Variants in SHBG observed in about 807,000 individuals in gnomAD.
SHBG encodes the protein sex hormone-binding globulin.
A neutral mutation model predicts 41.9 loss-of-function variants in SHBG; 37 were observed. The ratio of observed to expected loss-of-function variants is 0.88; its 90% CI spans 0.68 to 1.16. The LOEUF is 1.16. Among genes scored for constraint, SHBG ranks in the 50% most tolerant of loss-of-function variants. The probability of loss-of-function intolerance (pLI) is 0.00; values close to 1 mark genes in which losing one functional copy is unlikely to be tolerated. For synonymous variants in SHBG, 217 were observed against 205.8 expected (o/e 1.05, Z -0.47); for missense variants, 466 against 499.9 (o/e 0.93, Z 0.65).
chr17:7,616,451 CAAAAAAA>C (rs71159512), intron 1 of SHBG, among the ~76,000 whole-genome samples: 35 of 101,520 alleles, frequency 3.4e-4, no homozygotes, highest in Admixed American at 2.4e-3. Context: ...ACTAAAAATA[CAAAAAAA>C]AAAAAAAAAA....
chr17:7,631,694 T>A lies in SHBG; in HGVS notation c.661T>A (p.Ser221Thr). The A allele has an allele frequency of 6.2e-7, 1 of 1,614,068 alleles. No homozygotes were observed. The highest frequency in any genetic ancestry group is 1.1e-5 in the South Asian group (1 of 91,084). ...TAGCCTCAGAAGCTGTGATGTAGAA[T>A]CAAATCCCGGGATATTTCTCCCTCC... is the stretch of plus-strand genomic sequence containing the variant. Reference protein sequence around the residue: ...PTSLRSCDVESNPGIFLPPGT... With the variant: ...PTSLRSCDVETNPGIFLPPGT... The change falls in exon 5 of 8, where the codon TCA (serine) becomes ACA (threonine). Residue 221 changes from serine to threonine, a missense_variant. Physicochemically the swap from Ser to Thr is moderately conservative, Grantham distance 58 (BLOSUM62 1). Transcript: ENST00000380450.
At position 7,630,245 on chromosome 17, in the gene SHBG, C is replaced by G. The variant is rs771580906; in HGVS notation, c.73C>G (p.Arg25Gly). The G allele has an allele frequency of 6.2e-7, 1 of 1,610,104 alleles. No individual in the cohort carries two copies. Residue 25 changes from arginine (R) to glycine (G), a missense_variant, in exon 1 of 8, where the codon CGC becomes GGC. By Grantham distance (125) the Arg-to-Gly change is moderately radical. Coordinates refer to ENST00000380450, the MANE Select transcript of SHBG (RefSeq NM_001040.5). This position sits in a 1 kb window ranked among gnomAD's most constrained non-coding sequence, Gnocchi z 4.6. Reference sequence around the variant, plus strand: ...GCTGTTGCTACTACTGCGTCACACCCGCCAGGGATGGGCCCTGAGACCTGT... The same window carrying G: ...GCTGTTGCTACTACTGCGTCACACCGGCCAGGGATGGGCCCTGAGACCTGT... ...LLLLLLLRHT[R>G]QGWALRPVLP...
chr17:7,614,126 A>G (rs1381362452), intron 1 of SHBG: 3 of 572,360 alleles, frequency 5.2e-6, no homozygotes, highest in Non-Finnish European at 9.9e-6. Flanking sequence ...GTCTTCCACC[A>G]GACAACGGAC....
In SHBG at chr17:7,630,269, G is replaced by C. The variant is rs2072357005; in HGVS notation, c.97G>C (p.Val33Leu). 1 of 1,608,310 alleles carries C rather than the reference G, an allele frequency of 6.2e-7. No homozygotes were observed. The highest frequency in any genetic ancestry group is 8.5e-7 in the Non-Finnish European group (1 of 1,177,254). The change falls in exon 1 of 8, where the codon GTT (valine) becomes CTT (leucine). Residue 33 changes from valine to leucine, a missense_variant. Transcript: ENST00000380450. The surrounding 1 kb of genome is among the most constrained non-coding windows in gnomAD (Gnocchi z 4.6). ...HTRQGWALRP[V>L]LPTQSAHDPP... The stretch of plus-strand genomic sequence containing the variant: ...CCGCCAGGGATGGGCCCTGAGACCT[G>C]TTCTCCCCACCCAGGTGCAGGAGCG...
upstream of SHBG, among the ~76,000 whole-genome samples, chr17:7,629,933 C>T (rs2072343021): frequency 6.6e-6 from 1 of 152,108 alleles, no homozygotes; most frequent in East Asian, 1.9e-4. Flanking sequence ...CAGAAACTTT[C>T]TCGGCAGTGG....
At chr17:7,617,012 T>C (rs1175242406) in intron 1 of SHBG, among the ~76,000 whole-genome samples, 2 of 152,196 alleles carry the variant, frequency 1.3e-5, no homozygotes, top group African/African-American at 4.8e-5. Flanking sequence ...ATAAGGGTAG[T>C]AGCAGGAAAA....
At position 7,631,580 on chromosome 17, in the gene SHBG, A is replaced by G. The variant is rs1417882367; in HGVS notation, c.556-9A>G. The G allele has an allele frequency of 1.2e-6, 2 of 1,613,864 alleles. No individual in the cohort carries two copies. Among genetic ancestry groups the G allele is most frequent in the East Asian group, 2.2e-5 (1 of 44,868 alleles). On this transcript the variant is annotated splice_polypyrimidine_tract_variant and intron_variant, in intron 4 of 7. Transcript: ENST00000380450. ...TACATCCCCGTATCTTATCTCTGTC[A>G]CACTCCAGCTGGTTCCTGCCCTGGA...
intron 6 of SHBG, 111 bp downstream of exon 6, chr17:7,632,126 A>C: frequency 8.8e-7 from 1 of 1,133,142 alleles, no homozygotes; most frequent in South Asian, 1.2e-5. Context: ...AGGGAACATA[A>C]CAAGACTGGC....
In SHBG at chr17:7,630,265, A is replaced by G. The variant is rs763887467; in HGVS notation, c.93A>G (p.Arg31=). 1 of 1,608,414 alleles carries G rather than the reference A, an allele frequency of 6.2e-7. No individual in the cohort carries two copies. The highest frequency in any genetic ancestry group is 8.5e-7 in the Non-Finnish European group (1 of 1,177,354). The stretch of plus-strand genomic sequence containing the variant: ...ACACCCGCCAGGGATGGGCCCTGAG[A>G]CCTGTTCTCCCCACCCAGGTGCAGG... ...LRHTRQGWAL[R]PVLPTQSAHD... is the part of the protein sequence containing the mutation. The change falls in exon 1 of 8, where the codon AGA becomes AGG. Residue 31 remains arginine (R), a synonymous_variant. Coordinates refer to ENST00000380450, the MANE Select transcript of SHBG (RefSeq NM_001040.5). This position sits in a 1 kb window ranked among gnomAD's most constrained non-coding sequence, Gnocchi z 4.6.
chr17:7,631,515 G>A, intron 4 of SHBG, 74 bp from the exon 5 acceptor site: 1 of 1,580,172 alleles, frequency 6.3e-7, no homozygotes, highest in Middle Eastern at 2.1e-4. Flanking sequence ...GTCAACTGAG[G>A]GCAGGGAGGT....
At chr17:7,615,813 G>T (rs2071973119) in intron 1 of SHBG, among the ~76,000 whole-genome samples, 2 of 144,696 alleles carry the variant, frequency 1.4e-5, no homozygotes, top group Non-Finnish European at 3.0e-5. Flanking sequence ...CAGCCTGGGC[G>T]ACAGAGCAAG....
In SHBG at chr17:7,631,873, C is replaced by G. The variant is rs1439241317; in HGVS notation, c.716-6C>G. 1 of 1,613,960 alleles carries G rather than the reference C, an allele frequency of 6.2e-7. No homozygotes were observed. Among genetic ancestry groups the G allele is most frequent in the Non-Finnish European group, 8.5e-7 (1 of 1,180,034 alleles). ...GAGGCCTCAGGATAATCATTTCTCC[C>G]CACAGACATTCCCCAGCCTCATGCA... is the stretch of plus-strand genomic sequence containing the variant. On this transcript the variant is annotated splice_region_variant and splice_polypyrimidine_tract_variant and intron_variant, in intron 5 of 7. Transcript: ENST00000380450.
At chr17:7,626,911 C>T (rs749570263), upstream of SHBG, 1 of 1,600,608 alleles carries the variant, frequency 6.2e-7, no homozygotes, top group East Asian at 2.2e-5. Context: ...GGGTGCTTTG[C>T]TCCCACCCCA....
Position 7,630,139 on chromosome 17 carries a change from G to A in SHBG, c.-34G>A, listed in dbSNP as rs1192482873. On this transcript the variant is annotated 5_prime_UTR_variant, in exon 1 of 8. Transcript: ENST00000380450. The surrounding 1 kb of genome is among the most constrained non-coding windows in gnomAD (Gnocchi z 4.6). ...CCTGCCTCTACACATTCTCCCAAGA[G>A]TTGTCTGAGCCGCCGAGTGGACAGT... is the stretch of plus-strand genomic sequence containing the variant. 1.3e-6 allele frequency: 2 copies of A among 1,562,962 alleles called. No individual in the cohort carries two copies. The highest frequency in any genetic ancestry group is 1.8e-6 in the Non-Finnish European group (2 of 1,134,020).
intron 6 of SHBG, among the ~76,000 whole-genome samples, 172 bp from the exon 7 acceptor site, chr17:7,632,580 A>G (rs1168088636): frequency 6.6e-6 from 1 of 152,214 alleles, no homozygotes. Context: ...GTGTGGTTTC[A>G]AAAAGGGTCA....
intron 3 of SHBG, 28 bp from the exon 4 acceptor site, chr17:7,631,172 T>C: frequency 6.6e-7 from 1 of 1,521,708 alleles, no homozygotes; most frequent in Non-Finnish European, 8.8e-7. Context: ...CCCAGGGGCC[T>C]CTGATTTTGC....
upstream of SHBG, chr17:7,626,685 C>A: frequency 6.2e-7 from 1 of 1,612,500 alleles, no homozygotes. Context: ...CCTCTTTCAA[C>A]CCGGGTCCCC....
Position 7,631,655 on chromosome 17 carries a change from G to A in SHBG, c.622G>A (p.Ala208Thr). The A allele has an allele frequency of 1.9e-6, 3 of 1,614,120 alleles. No homozygotes were observed. In the East Asian group the frequency reaches 6.7e-5, roughly 36 times the overall value. Residue 208 changes from alanine to threonine, a missense_variant, in exon 5 of 8, where the codon GCA becomes ACA. Physicochemically the swap from Ala to Thr is moderately conservative, Grantham distance 58. Coordinates refer to ENST00000380450, the MANE Select transcript of SHBG (RefSeq NM_001040.5). ...GCTGGACAAACAGGCCGAGATCTCA[G>A]CATCTGCCCCCACTAGCCTCAGAAG... ...SWLDKQAEIS[A>T]SAPTSLRSCD...
At chr17:7,626,189 C>CAA (rs370938874), upstream of SHBG, 176 of 233,384 alleles carry the variant, frequency 7.5e-4, no homozygotes, top group South Asian at 1.0e-3. Flanking sequence ...GACTCTGTCT[C>CAA]AAAAAAAAAA....
Sources: allele counts gnomAD v4.1 joint callset (sites outside exome capture counted in the v4.1 genomes callset), GRCh38; gene constraint gnomAD v4.1.1; non-coding constraint Gnocchi (gnomAD v3.1); transcripts MANE v1.5; gene names NCBI Gene and HGNC (gene_info 2026-07-23, HGNC 2026-07-21).